TTC6: variants seen among roughly 807,000 people sequenced by gnomAD.
TTC6 encodes tetratricopeptide repeat domain 6.
In TTC6, 172 loss-of-function variants were observed where a neutral mutation model predicts 210.4. The ratio of observed to expected loss-of-function variants is 0.82; its 90% CI spans 0.72 to 0.93. The LOEUF (loss-of-function observed/expected upper bound fraction) is 0.93, where lower values mean the gene tolerates loss of function less well. Among genes scored for constraint, TTC6 ranks in the 40% least tolerant of loss-of-function variants. The pLI is 0.00. For synonymous variants in TTC6, 804 were observed against 819.6 expected, an observed-to-expected ratio of 0.98 and a Z score of 0.32; for missense variants, 2,414 against 2,318.1, an observed-to-expected ratio of 1.04 and a Z score of -0.85.
intron 7 of TTC6, among the ~76,000 whole-genome samples, chr14:37,732,651 C>G (rs35704359): frequency 1.3e-5 from 2 of 151,150 alleles, no homozygotes; most frequent in East Asian, 3.9e-4. Flanking sequence ...CGGAGTCTTG[C>G]TCTGTCGCCC....
At chr14:37,841,084 G>T (rs2096209052) in intron 29 of TTC6, among the ~76,000 whole-genome samples, 1 of 152,260 alleles carries the variant, frequency 6.6e-6, no homozygotes, top group African/African-American at 2.4e-5. Flanking sequence ...GGCTAGGCTG[G>T]TCTCGAACTC....
intron 13 of TTC6, 53 bp downstream of exon 15, chr14:37,751,278 C>G (rs1012215843): frequency 3.3e-5 from 43 of 1,317,272 alleles, no homozygotes; most frequent in Non-Finnish European, 3.7e-5. Context: ...ATTGCGATAT[C>G]CTCATGCAAA....
chr14:37,814,196 T>C (rs772433108), intron 25 of TTC6, among the ~76,000 whole-genome samples: 2 of 152,178 alleles, frequency 1.3e-5, no homozygotes, highest in Non-Finnish European at 2.9e-5. Flanking sequence ...TCTGATCTCA[T>C]TGTCAAACAT....
At chr14:37,807,447 A>G (rs2096121029) in exon 23 of TTC6, 1 of 1,506,796 alleles carries the variant, frequency 6.6e-7, no homozygotes, top group Admixed American at 2.0e-5. Context: ...GGAGTTCTGA[A>G]ATACTACAAC....
At chr14:37,685,913 A>G (rs982117752) in intron 3 of TTC6, among the ~76,000 whole-genome samples, 8 of 152,186 alleles carry the variant, frequency 5.3e-5, no homozygotes, top group African/African-American at 1.9e-4. Context: ...ACAAAACTCT[A>G]GAATTATTAA....
At chr14:37,780,666 C>T (rs779498136) in intron 14 of TTC6, among the ~76,000 whole-genome samples, 4 of 152,062 alleles carry the variant, frequency 2.6e-5, no homozygotes, top group Non-Finnish European at 5.9e-5. Context: ...TTCTGGGTTA[C>T]ATCTGCAGAA....
Position 37,606,710 on chromosome 14 carries a change from A to T in TTC6, c.-187A>T. 4 of 985,104 alleles carry T rather than the reference A, an allele frequency of 4.1e-6. No individual in the cohort carries two copies. In the South Asian group the frequency reaches 1.9e-4, roughly 46 times the overall value. 61.0% of individuals were successfully genotyped at this position (985,104 alleles called of 1,614,324 possible). On this transcript the variant is annotated 5_prime_UTR_variant, in exon 2 of 3. The change abolishes an upstream ATG in the 5' untranslated region. Transcript: ENST00000556845. ...TCTGTTTTCTGTGGGGCCCTGAGTG[A>T]TGAGGAGAGGAACAAGGATTCATGG...
chr14:37,619,188 A>G (rs2095647345), upstream of TTC6, among the ~76,000 whole-genome samples: 1 of 152,198 alleles, frequency 6.6e-6, no homozygotes, highest in African/African-American at 2.4e-5. Context: ...TCACTTTTTA[A>G]TATGAACCCT....
intron 29 of TTC6, among the ~76,000 whole-genome samples, chr14:37,830,783 T>G (rs2096182919): frequency 6.6e-6 from 1 of 152,028 alleles, no homozygotes; most frequent in African/African-American, 2.4e-5. Context: ...AAAATCATTT[T>G]ATTTCAAAAT....
intron 1 of TTC6, among the ~76,000 whole-genome samples, chr14:37,636,880 G>A (rs975673306): frequency 3.9e-5 from 6 of 152,186 alleles, no homozygotes; most frequent in Non-Finnish European, 7.3e-5. Context: ...AAAAAAGTGG[G>A]AGGTATCAGT....
intron 1 of TTC6, among the ~76,000 whole-genome samples, chr14:37,642,012 G>A (rs1001835437): frequency 6.6e-6 from 1 of 152,200 alleles, no homozygotes; most frequent in African/African-American, 2.4e-5. Context: ...CATGCAGATG[G>A]CACTTTGCTT....
At chr14:37,609,772 C>A (rs1219597848) in intron 2 of TTC6, among the ~76,000 whole-genome samples, 2 of 152,002 alleles carry the variant, frequency 1.3e-5, no homozygotes, top group Non-Finnish European at 2.9e-5. Context: ...GGGATGGTAC[C>A]ATGAACAATT....
intron 10 of TTC6, among the ~76,000 whole-genome samples, chr14:37,742,861 C>T (rs1339046887): frequency 1.3e-5 from 2 of 152,116 alleles, no homozygotes; most frequent in African/African-American, 2.4e-5. Flanking sequence ...GTGACTAGGC[C>T]GAGCTACTTA....
intron 3 of TTC6, among the ~76,000 whole-genome samples, chr14:37,693,979 A>AAAACAAACAAAC (rs57428441): frequency 6.1e-4 from 92 of 150,490 alleles, no homozygotes; most frequent in African/African-American, 2.0e-3. Flanking sequence ...AACTACCACA[A>AAAACAAACAAAC]AAACAAACAA....
At chr14:37,840,763 A>G (rs1383451094) in intron 29 of TTC6, among the ~76,000 whole-genome samples, 1 of 152,046 alleles carries the variant, frequency 6.6e-6, no homozygotes, top group Non-Finnish European at 1.5e-5. Flanking sequence ...TTACTTTTCT[A>G]ATTTGTATTT....
chr14:37,671,340 G>T (rs1385690366), intron 1 of TTC6, among the ~76,000 whole-genome samples: 1 of 152,110 alleles, frequency 6.6e-6, no homozygotes. Context: ...TGTAATTTCT[G>T]CTATATCTTA....
At chr14:37,597,221 AGTAGCTGACTTTAGTTCCATTT>A (rs755022866) in intron 1 of TTC6, among the ~76,000 whole-genome samples, 16 of 152,160 alleles carry the variant, frequency 1.1e-4, no homozygotes, top group Non-Finnish European at 7.3e-5. Context: ...AGTTCCCATT[AGTAGCTGACTTTAGTTCCATTT>A]GTAAAGTATA....
intron 17 of TTC6, among the ~76,000 whole-genome samples, chr14:37,794,370 C>A (rs1269063880): frequency 2.0e-5 from 3 of 152,130 alleles, no homozygotes; most frequent in African/African-American, 7.2e-5. Context: ...TGCTTCCATG[C>A]ACAAATTAGT....
intron 6 of TTC6, among the ~76,000 whole-genome samples, chr14:37,721,847 C>CATATATACATATAT (rs1186369830): frequency 2.0e-4 from 24 of 117,266 alleles, no homozygotes; most frequent in African/African-American, 7.4e-4. Context: ...TGAGTTTCAC[C>CATATATACATATAT]ATATATATAT....
Sources: allele counts gnomAD v4.1 joint callset (sites outside exome capture counted in the v4.1 genomes callset), GRCh38; gene constraint gnomAD v4.1.1; transcripts MANE v1.5; gene names NCBI Gene and HGNC (gene_info 2026-07-23, HGNC 2026-07-21).